GRXCR2: variants seen among roughly 807,000 people sequenced by gnomAD.
The protein encoded by GRXCR2 is glutaredoxin domain-containing cysteine-rich protein 2.
Under a neutral mutation model 24.8 loss-of-function variants are expected in GRXCR2, and 23 were observed. The observed-to-expected ratio is 0.93, with a 90% CI of 0.67 to 1.32. The LOEUF (loss-of-function observed/expected upper bound fraction) is 1.32, where lower values mean the gene tolerates loss of function less well. Among genes scored for constraint, GRXCR2 ranks in the 40% most tolerant of loss-of-function variants. The pLI, the probability that GRXCR2 is intolerant of heterozygous loss-of-function variation, is 0.00. For synonymous variants in GRXCR2, 130 were observed against 116.1 expected (o/e 1.12, Z -0.77); for missense variants, 315 against 303.4 (o/e 1.04, Z -0.28).
At chr5:145,892,798 C>T (rs1756889172) in intron 2 of GRXCR2, among the ~76,000 whole-genome samples, 1 of 152,168 alleles carries the variant, frequency 6.6e-6, no homozygotes. Context: ...AAAGATACTC[C>T]TCGAGAAGAG....
intron 2 of GRXCR2, among the ~76,000 whole-genome samples, chr5:145,900,827 A>G (rs765697229): frequency 1.3e-5 from 2 of 152,196 alleles, no homozygotes; most frequent in African/African-American, 2.4e-5. Flanking sequence ...CTACCAAAAG[A>G]CACATGCACT....
intron 2 of GRXCR2, among the ~76,000 whole-genome samples, chr5:145,885,381 T>A (rs1374003893): frequency 1.3e-5 from 2 of 152,096 alleles, no homozygotes; most frequent in Non-Finnish European, 2.9e-5. Context: ...CCCAAGGTTG[T>A]CTAAGCTCCC....
chr5:145,880,597 C>G (rs1227825570), intron 2 of GRXCR2, among the ~76,000 whole-genome samples: 1 of 152,094 alleles, frequency 6.6e-6, no homozygotes, highest in Admixed American at 6.5e-5. Context: ...CGAATTCTAC[C>G]AGAGGTACAA....
chr5:145,900,075 C>T (rs947613755), intron 2 of GRXCR2, among the ~76,000 whole-genome samples: 7 of 151,956 alleles, frequency 4.6e-5, no homozygotes, highest in Non-Finnish European at 7.4e-5. Flanking sequence ...AAAACAACCC[C>T]ATTAAAAATG....
upstream of GRXCR2, among the ~76,000 whole-genome samples, chr5:145,876,200 T>TATAC (rs1561679628): frequency 7.4e-6 from 1 of 134,762 alleles, no homozygotes; most frequent in Non-Finnish European, 1.5e-5. Flanking sequence ...TGTATATATA[T>TATAC]ATATATATAT....
At chr5:145,921,618 A>C (rs1757321737) in intron 2 of GRXCR2, among the ~76,000 whole-genome samples, 1 of 152,222 alleles carries the variant, frequency 6.6e-6, no homozygotes, top group Admixed American at 6.5e-5. Flanking sequence ...ATGCATTGCC[A>C]GTTGGAGACC....
At chr5:145,928,419 T>C (rs1178082166) in intron 2 of GRXCR2, among the ~76,000 whole-genome samples, 1 of 152,008 alleles carries the variant, frequency 6.6e-6, no homozygotes, top group Non-Finnish European at 1.5e-5. Flanking sequence ...ACCCAAAGGA[T>C]TATAAATCAT....
At chr5:145,899,973 C>G (rs779097398) in intron 2 of GRXCR2, among the ~76,000 whole-genome samples, 4 of 152,030 alleles carry the variant, frequency 2.6e-5, no homozygotes, top group African/African-American at 4.8e-5. Context: ...ACAGACAGCC[C>G]CACAGAATGG....
intron 2 of GRXCR2, among the ~76,000 whole-genome samples, chr5:145,889,408 G>A (rs186615770): frequency 2.0e-5 from 3 of 152,018 alleles, no homozygotes; most frequent in Admixed American, 2.0e-4. Context: ...AATACCACCT[G>A]TGCCCCAATA....
At chr5:145,899,247 G>A (rs1291208860) in intron 2 of GRXCR2, among the ~76,000 whole-genome samples, 1 of 152,064 alleles carries the variant, frequency 6.6e-6, no homozygotes, top group Non-Finnish European at 1.5e-5. Context: ...ACTGCCAAGA[G>A]AAATCATAAA....
intron 2 of GRXCR2, among the ~76,000 whole-genome samples, chr5:145,864,399 TCCC>T (rs1756392058): frequency 6.6e-6 from 1 of 152,054 alleles, no homozygotes; most frequent in Non-Finnish European, 1.5e-5. Flanking sequence ...TGCGGTTTTA[TCCC>T]AAGCAATGAA....
chr5:145,905,642 A>G (rs1757081230), intron 2 of GRXCR2, among the ~76,000 whole-genome samples: 1 of 152,202 alleles, frequency 6.6e-6, no homozygotes, highest in Admixed American at 6.5e-5. Context: ...GATGGAGGGA[A>G]TAAATAATTC....
intron 1 of GRXCR2, among the ~76,000 whole-genome samples, chr5:145,872,190 A>G (rs1756541908): frequency 1.3e-5 from 2 of 152,098 alleles, no homozygotes; most frequent in South Asian, 4.2e-4. Flanking sequence ...GGAAGGCAAT[A>G]GGGGTAAAAA....
chr5:145,859,989 C>T, intron 2 of GRXCR2, 74 bp from the exon 3 acceptor site: 1 of 1,249,948 alleles, frequency 8.0e-7, no homozygotes, highest in South Asian at 1.6e-5. Context: ...CAAAACAGCA[C>T]TAGACTACAG....
At chr5:145,890,248 C>T (rs1756845389) in intron 2 of GRXCR2, among the ~76,000 whole-genome samples, 1 of 152,124 alleles carries the variant, frequency 6.6e-6, no homozygotes, top group Non-Finnish European at 1.5e-5. Flanking sequence ...TGCCACCATG[C>T]CTAGCTAATT....
At chr5:145,894,897 G>C (rs866756409) in intron 2 of GRXCR2, among the ~76,000 whole-genome samples, 33 of 152,094 alleles carry the variant, frequency 2.2e-4, no homozygotes, top group Middle Eastern at 6.8e-3. Context: ...TAAAATACTG[G>C]CAAACCAAAT....
chr5:145,906,445 A>G (rs1244687540), intron 2 of GRXCR2, among the ~76,000 whole-genome samples: 1 of 152,206 alleles, frequency 6.6e-6, no homozygotes, highest in Non-Finnish European at 1.5e-5. Context: ...AACCTGCCTG[A>G]GAATGAAGCT....
At chr5:145,904,311 A>G (rs1355327574) in intron 2 of GRXCR2, among the ~76,000 whole-genome samples, 1 of 152,202 alleles carries the variant, frequency 6.6e-6, no homozygotes, top group African/African-American at 2.4e-5. Context: ...GTAGATCCAG[A>G]GTAGGGCCCA....
intron 2 of GRXCR2, among the ~76,000 whole-genome samples, chr5:145,909,633 A>G (rs1757137591): frequency 6.6e-6 from 1 of 152,202 alleles, no homozygotes; most frequent in Admixed American, 6.5e-5. Flanking sequence ...TCGCCAGAAT[A>G]TAAGCATGGA....
Sources: gnomAD v4.1 joint callset for allele counts (sites outside exome capture counted in the v4.1 genomes callset) on GRCh38, gnomAD v4.1.1 for gene constraint, MANE v1.5 for transcripts, NCBI Gene and HGNC (gene_info 2026-07-23, HGNC 2026-07-21) for gene names.